SLC14A2: variants seen among roughly 807,000 people sequenced by gnomAD.
The protein encoded by SLC14A2 is urea transporter 2.
A neutral mutation model predicts 104.6 loss-of-function variants in SLC14A2; 91 were observed. That is an observed-to-expected ratio of 0.87 (90% CI 0.73 to 1.04). SLC14A2 has a LOEUF of 1.04. Ranked by LOEUF, SLC14A2 falls within the 50% of genes least tolerant of loss-of-function variation. The pLI is 0.00. For synonymous variants in SLC14A2, 476 were observed against 466.4 expected (o/e 1.02, Z -0.27); for missense variants, 1,189 against 1,156.0 (o/e 1.03, Z -0.41).
intron 1 of SLC14A2, among the ~76,000 whole-genome samples, chr18:45,260,692 G>T (rs924869395): frequency 1.3e-5 from 2 of 152,096 alleles, no homozygotes; most frequent in African/African-American, 4.8e-5. Flanking sequence ...CATTATCCTT[G>T]AATTAACAAT....
chr18:45,200,053 T>A, the SLC14A2 span, among the ~76,000 whole-genome samples: 2 of 152,144 alleles, frequency 1.3e-5, no homozygotes, highest in East Asian at 1.9e-4. Flanking sequence ...TCTGCCTATA[T>A]CTATAGGTTT....
rs1367226522 is a variant in SLC14A2, at chr18:45,247,327, T to C, written c.-125+34136T>C. ...AACACATCTATTGTATAAAAAGTTA[T>C]ATAAGTTTGCGAGAATTGAGCAAGT... On this transcript the variant is annotated intron_variant, in intron 1 of 20. Transcript: ENST00000586448. 2.6e-5 allele frequency among the ~76,000 whole-genome samples: 4 copies of C among 152,234 alleles called. 1 individual carries two copies. In the South Asian group the frequency reaches 6.2e-4, roughly 24 times the overall value.
At chr18:45,296,869 T>G (rs1427686564) in intron 1 of SLC14A2, among the ~76,000 whole-genome samples, 1 of 152,190 alleles carries the variant, frequency 6.6e-6, no homozygotes, top group African/African-American at 2.4e-5. Flanking sequence ...ATTTTTCTCC[T>G]TTTCAAATAT....
At chr18:45,364,802 A>C in intron 1 of SLC14A2, among the ~76,000 whole-genome samples, 1 of 152,194 alleles carries the variant, frequency 6.6e-6, no homozygotes. Flanking sequence ...CTCCAGAAGT[A>C]AGAATGGGTT....
At chr18:45,533,678 T>C (rs867575956) in intron 2 of SLC14A2, among the ~76,000 whole-genome samples, 4 of 152,156 alleles carry the variant, frequency 2.6e-5, no homozygotes, top group Admixed American at 1.3e-4. Flanking sequence ...TTTTGAAGGG[T>C]TTTTTGTGTC....
At chr18:45,203,849 C>T in the SLC14A2 span, among the ~76,000 whole-genome samples, 1 of 152,136 alleles carries the variant, frequency 6.6e-6, no homozygotes, top group Non-Finnish European at 1.5e-5. Context: ...TGCAGTCTTG[C>T]CTACAGTATT....
In SLC14A2 at chr18:45,414,426, G is replaced by C. The variant is rs1490273028; in HGVS notation, c.-124-68807G>C. 2.0e-5 allele frequency among the ~76,000 whole-genome samples: 3 copies of C among 152,044 alleles called. No individual in the cohort carries two copies. The East Asian group carries it at 5.8e-4, about 29-fold the overall frequency. On this transcript the variant is annotated intron_variant, in intron 1 of 20. Transcript: ENST00000586448. ...CTGTTTGGGAACAGGGGACTCTTCT[G>C]AAGTACCCAACAATTTAAAAGGGAG...
intron 2 of SLC14A2, among the ~76,000 whole-genome samples, chr18:45,566,852 A>G (rs1220917730): frequency 6.6e-6 from 1 of 152,224 alleles, no homozygotes; most frequent in Non-Finnish European, 1.5e-5. Context: ...GGTGAGGGCT[A>G]GAAGTCAAGG....
At chr18:45,357,387 G>A (rs1236053355) in intron 1 of SLC14A2, among the ~76,000 whole-genome samples, 1 of 151,884 alleles carries the variant, frequency 6.6e-6, no homozygotes, top group African/African-American at 2.4e-5. Flanking sequence ...TGAGGCAGGA[G>A]GATACTTGAG....
chr18:45,634,248 T>G (rs909640212), intron 5 of SLC14A2, among the ~76,000 whole-genome samples: 1 of 152,198 alleles, frequency 6.6e-6, no homozygotes, highest in African/African-American at 2.4e-5. Context: ...ATCTGTTGAG[T>G]GCCTGAACTA....
chr18:45,636,937 ATGTAG>A, intron 5 of SLC14A2, 48 bp from the exon 6 acceptor site: 1 of 1,450,454 alleles, frequency 6.9e-7, no homozygotes, highest in South Asian at 1.2e-5. Flanking sequence ...TGCTGAGACA[ATGTAG>A]ACCTCAGGAT....
At chr18:45,536,175 C>T (rs753057232) in intron 2 of SLC14A2, among the ~76,000 whole-genome samples, 10 of 152,054 alleles carry the variant, frequency 6.6e-5, no homozygotes, top group East Asian at 1.9e-4. Context: ...GTGGTTGTGC[C>T]CTGAGGTGGT....
Position 45,582,866 on chromosome 18 carries a change from G to A in SLC14A2, c.-34-41765G>A, listed in dbSNP as rs137977098. 2.9e-3 allele frequency among the ~76,000 whole-genome samples: 440 copies of A among 152,214 alleles called. 3 individuals carry two copies. Among genetic ancestry groups the A allele is most frequent in the Non-Finnish European group, 4.9e-3 (334 of 68,010 alleles). On this transcript the variant is annotated intron_variant, in intron 2 of 20. Coordinates refer to the SLC14A2 transcript ENST00000586448. ...TTAGGAACACTCCAGATGACAAAAT[G>A]GAACCACTGCCTGCCCAACCACCAC...
In SLC14A2 at chr18:45,450,338, G is replaced by A. The variant is rs568467136; in HGVS notation, c.-124-32895G>A. On this transcript the variant is annotated intron_variant, in intron 1 of 20. Coordinates refer to the SLC14A2 transcript ENST00000586448. ...TCCCATCCTTTTAGGCTTCTAAAGGGAAGGGGCCTTTGGTTTAGTCTTAAC... is the reference window on the plus strand; with the variant it reads ...TCCCATCCTTTTAGGCTTCTAAAGGAAAGGGGCCTTTGGTTTAGTCTTAAC... Among the ~76,000 whole-genome samples the A allele has an allele frequency of 3.2e-4, 48 of 152,298 alleles. 1 individual carries two copies. In the South Asian group the frequency reaches 1.0e-2, roughly 32 times the overall value.
Position 45,682,594 on chromosome 18 carries a change from C to A in SLC14A2, c.*75C>A. ...TCCAGATCCCCAGGATAAGAGACCA[C>A]TTAGCCTTCCCTTTGGTCTGTTCTG... On this transcript the variant is annotated 3_prime_UTR_variant, in exon 20 of 20. Transcript: ENST00000255226. 1 of 1,221,766 alleles carries A rather than the reference C, an allele frequency of 8.2e-7. No individual in the cohort carries two copies. Among genetic ancestry groups the A allele is most frequent in the Non-Finnish European group, 1.2e-6 (1 of 824,994 alleles). The allele number at this position is 1,221,766 out of a possible 1,614,324, so 75.7% of individuals were successfully genotyped here.
chr18:45,499,543 T>C (rs1281064397), intron 2 of SLC14A2, among the ~76,000 whole-genome samples: 1 of 152,250 alleles, frequency 6.6e-6, no homozygotes, highest in African/African-American at 2.4e-5. Context: ...TAAAAATGGG[T>C]ATTATAATTT....
At chr18:45,623,447 A>T (rs1295541934) in intron 1 of SLC14A2, among the ~76,000 whole-genome samples, 1 of 152,200 alleles carries the variant, frequency 6.6e-6, no homozygotes, top group Non-Finnish European at 1.5e-5. Context: ...GAGAGTCAGT[A>T]ACGCAGCAGT....
At chr18:45,549,151 T>G (rs747932913) in intron 2 of SLC14A2, among the ~76,000 whole-genome samples, 11 of 152,222 alleles carry the variant, frequency 7.2e-5, no homozygotes, top group Non-Finnish European at 1.5e-4. Context: ...GGACTGGCAA[T>G]GTGACCACAA....
At chr18:45,530,048 A>T (rs2043658482) in intron 2 of SLC14A2, among the ~76,000 whole-genome samples, 1 of 152,190 alleles carries the variant, frequency 6.6e-6, no homozygotes, top group Admixed American at 6.5e-5. Context: ...TTTTTGTTCA[A>T]GGACTCGTTA....
Sources: gnomAD v4.1 joint callset for allele counts (sites outside exome capture counted in the v4.1 genomes callset) on GRCh38, gnomAD v4.1.1 for gene constraint, MANE v1.5 for transcripts, NCBI Gene and HGNC (gene_info 2026-07-23, HGNC 2026-07-21) for gene names.